Variants in PBX3 observed in about 807,000 individuals in gnomAD.
The protein encoded by PBX3 is PBX homeobox 3.
A neutral mutation model predicts 48.5 loss-of-function variants in PBX3; 14 were observed. That is an observed-to-expected ratio of 0.29 (90% CI 0.19 to 0.45). PBX3 has a LOEUF of 0.45. PBX3 is among the 20% of genes least tolerant of loss of function. The pLI is 1.00. For missense variants in PBX3, 386 were observed against 546.7 expected, an observed-to-expected ratio of 0.71 and a Z score of 2.93; for synonymous variants, 210 against 200.3, an observed-to-expected ratio of 1.05 and a Z score of -0.41.
intron 5 of PBX3, among the ~76,000 whole-genome samples, chr9:125,960,204 T>A (rs1842396564): frequency 1.3e-5 from 2 of 152,246 alleles, no homozygotes; most frequent in South Asian, 4.1e-4. Context: ...AAGGGTTTTT[T>A]CATCCATTAT....
intron 2 of PBX3, among the ~76,000 whole-genome samples, chr9:125,900,188 T>C (rs2132419825): frequency 6.6e-6 from 1 of 151,252 alleles, no homozygotes; most frequent in Admixed American, 6.6e-5. Flanking sequence ...ATGGAGTTAT[T>C]TGGTATGCCT....
chr9:125,823,596 A>G (rs1002976894), intron 2 of PBX3, among the ~76,000 whole-genome samples: 2 of 152,144 alleles, frequency 1.3e-5, no homozygotes, highest in African/African-American at 4.8e-5. Context: ...TAGTGCCTCA[A>G]TGAAATTTCT....
At chr9:125,865,336 ATG>A (rs1331075400) in intron 2 of PBX3, 6 of 169,028 alleles carry the variant, frequency 3.5e-5, no homozygotes, top group Non-Finnish European at 8.8e-5. Flanking sequence ...GGCCTAAATC[ATG>A]TGTCTTTGTG....
At chr9:125,812,049 G>A (rs887248530) in intron 2 of PBX3, among the ~76,000 whole-genome samples, 2 of 152,160 alleles carry the variant, frequency 1.3e-5, no homozygotes, top group South Asian at 4.1e-4. Flanking sequence ...TGAACACGCA[G>A]CAAGAAGGCA....
intron 2 of PBX3, among the ~76,000 whole-genome samples, chr9:125,802,771 C>T (rs540094590): frequency 6.6e-6 from 1 of 150,838 alleles, no homozygotes; most frequent in Admixed American, 6.6e-5. Flanking sequence ...CTCCGCCTCC[C>T]GGGTTCAAGC....
At chr9:125,864,594 C>T (rs1366683196) in intron 2 of PBX3, among the ~76,000 whole-genome samples, 5 of 152,180 alleles carry the variant, frequency 3.3e-5, no homozygotes, top group African/African-American at 1.2e-4. Context: ...GACAGATTAT[C>T]AGGCATTAGA....
rs1028742963 is a variant in PBX3 at position 125,832,256 on chromosome 9, C to T, written c.275-83430C>T. ...TGTTGCCCAGGCTGGAGTGCAGTGG[C>T]GCGATCTCGGCTGACTGCAAGCTCT... On this transcript the variant is annotated intron_variant, in intron 2 of 8. Coordinates refer to ENST00000373489, the MANE Select transcript of PBX3 (RefSeq NM_006195.6). Among the ~76,000 whole-genome samples the T allele has an allele frequency of 9.3e-5, 14 of 150,892 alleles. No individual in the cohort carries two copies. In the East Asian group the frequency reaches 1.2e-3, roughly 13 times the overall value.
intron 8 of PBX3, among the ~76,000 whole-genome samples, chr9:125,964,216 T>C (rs1772427626): frequency 1.3e-5 from 2 of 152,164 alleles, no homozygotes; most frequent in South Asian, 4.1e-4. Context: ...TTAATTTATT[T>C]TGAAAAAAAA....
At chr9:125,820,476 A>G (rs1199139794) in intron 2 of PBX3, among the ~76,000 whole-genome samples, 3 of 152,278 alleles carry the variant, frequency 2.0e-5, no homozygotes, top group Admixed American at 6.5e-5. Context: ...AGAAAAAAGT[A>G]TAGTGGGACT....
At chr9:125,833,857 A>G (rs906378030) in intron 2 of PBX3, among the ~76,000 whole-genome samples, 1 of 152,206 alleles carries the variant, frequency 6.6e-6, no homozygotes, top group Non-Finnish European at 1.5e-5. Context: ...TCTTTGGTAT[A>G]TACCTTGGAA....
chr9:125,892,029 C>A, intron 2 of PBX3, among the ~76,000 whole-genome samples: 1 of 152,162 alleles, frequency 6.6e-6, no homozygotes, highest in Non-Finnish European at 1.5e-5. Context: ...AAGCAATTCT[C>A]CTGCCCCGGC....
chr9:125,879,296 C>T (rs1840328205), intron 2 of PBX3, among the ~76,000 whole-genome samples: 1 of 152,026 alleles, frequency 6.6e-6, no homozygotes, highest in Admixed American at 6.6e-5. Context: ...CCAACCTGAT[C>T]TCGATCGAAC....
At chr9:125,825,465 A>G (rs1427352233) in intron 2 of PBX3, among the ~76,000 whole-genome samples, 2 of 152,074 alleles carry the variant, frequency 1.3e-5, no homozygotes, top group Non-Finnish European at 2.9e-5. Context: ...ATAAAAAATT[A>G]GATGATTGAT....
intron 5 of PBX3, among the ~76,000 whole-genome samples, chr9:125,956,570 C>T (rs1230286747): frequency 6.6e-6 from 1 of 152,198 alleles, no homozygotes. Context: ...AGAAAATCAG[C>T]GGACTGCATA....
intron 2 of PBX3, among the ~76,000 whole-genome samples, chr9:125,896,351 C>T (rs1004328966): frequency 1.3e-5 from 2 of 151,856 alleles, no homozygotes; most frequent in African/African-American, 4.8e-5. Flanking sequence ...AAAAAAACTG[C>T]CATATTTAAA....
At chr9:125,793,964 C>T (rs1837698781) in intron 2 of PBX3, among the ~76,000 whole-genome samples, 1 of 152,116 alleles carries the variant, frequency 6.6e-6, no homozygotes, top group Non-Finnish European at 1.5e-5. Context: ...ATGTTATAAA[C>T]TTCTGTGTAC....
chr9:125,907,521 A>G (rs1841103112), intron 2 of PBX3, among the ~76,000 whole-genome samples: 1 of 152,188 alleles, frequency 6.6e-6, no homozygotes, highest in Non-Finnish European at 1.5e-5. Flanking sequence ...TAAAGTGACA[A>G]TTGTATGTCA....
intron 4 of PBX3, among the ~76,000 whole-genome samples, chr9:125,931,190 G>C (rs1347628399): frequency 6.6e-6 from 1 of 152,026 alleles, no homozygotes; most frequent in African/African-American, 2.4e-5. Flanking sequence ...AATTTGGTCT[G>C]CTTTTTAAAA....
intron 5 of PBX3, among the ~76,000 whole-genome samples, chr9:125,957,021 GA>G (rs200042191): frequency 2.0e-5 from 3 of 151,132 alleles, no homozygotes; most frequent in African/African-American, 4.9e-5. Context: ...TTTAAAAGGT[GA>G]AAAAAAAATC....
Sources: gnomAD v4.1 joint callset for allele counts (sites outside exome capture counted in the v4.1 genomes callset) on GRCh38, gnomAD v4.1.1 for gene constraint, MANE v1.5 for transcripts, NCBI Gene and HGNC (gene_info 2026-07-23, HGNC 2026-07-21) for gene names.